Variants in SEC14L5 observed in about 807,000 individuals in gnomAD.
SEC14L5 encodes SEC14 like lipid binding 5.
In SEC14L5, 96 loss-of-function variants were observed where a neutral mutation model predicts 84.6. The ratio of observed to expected loss-of-function variants is 1.13; its 90% confidence interval spans 0.96 to 1.34. SEC14L5 has a LOEUF of 1.34. Ranked by LOEUF, SEC14L5 falls within the 40% of genes most tolerant of loss-of-function variation. The probability of loss-of-function intolerance (pLI) is 0.00; values close to 1 mark genes in which losing one functional copy is unlikely to be tolerated. For missense variants in SEC14L5, 1,224 were observed against 942.5 expected, an observed-to-expected ratio of 1.30 and a Z score of -3.91; for synonymous variants, 546 against 383.4, an observed-to-expected ratio of 1.42 and a Z score of -4.95.
chr16:4,970,341 G>A (rs1955259884), intron 2 of SEC14L5, among the ~76,000 whole-genome samples: 1 of 152,102 alleles, frequency 6.6e-6, no homozygotes, highest in South Asian at 2.1e-4. Flanking sequence ...GTTAAGCAGG[G>A]TTTAGCCTAT....
intron 2 of SEC14L5, among the ~76,000 whole-genome samples, chr16:4,971,658 G>T (rs7202838): frequency 6.6e-6 from 1 of 151,978 alleles, no homozygotes; most frequent in African/African-American, 2.4e-5. Flanking sequence ...GCTTTGGGCT[G>T]CGCACCTGCT....
In SEC14L5 at chr16:5,000,919, C is replaced by T. The variant is rs1955669714; in HGVS notation, c.1124C>T (p.Pro375Leu). 1.2e-6 allele frequency: 2 copies of T among 1,605,576 alleles called. No individual in the cohort carries two copies. ...CEGSTRQLGR[P>L]ISSWTCLLDL... ...GGGAGCACAAGGCAGCTGGGCCGTC[C>T]CATCAGGCAAACACCTGGGCTGGGC... Residue 375 changes from proline (P) to leucine (L), a missense_variant, in exon 10 of 16, where the codon CCC becomes CTC. Coordinates refer to ENST00000251170, the MANE Select transcript of SEC14L5 (RefSeq NM_014692.2).
In SEC14L5 at chr16:4,988,280, G is replaced by C. The variant is rs772330862; in HGVS notation, c.345G>C (p.Thr115=). The C allele has an allele frequency of 6.2e-7, 1 of 1,613,524 alleles. No individual in the cohort carries two copies. Among genetic ancestry groups the C allele is most frequent in the Non-Finnish European group, 8.5e-7 (1 of 1,179,720 alleles). The change falls in exon 4 of 16, where the codon ACG becomes ACC. Residue 115 remains threonine (T), a splice_region_variant and synonymous_variant. Coordinates refer to ENST00000251170, the MANE Select transcript of SEC14L5 (RefSeq NM_014692.2). ...RVVVNEHCSY[T]VHPENEDWTC... Reference sequence around the variant, plus strand: ...TGGTGAACGAGCACTGCAGCTACACGGTGAGCCCAGGCCACCCTCAGCGCC... The same window carrying C: ...TGGTGAACGAGCACTGCAGCTACACCGTGAGCCCAGGCCACCCTCAGCGCC...
rs1955515936 is a variant in SEC14L5 at position 4,988,222 on chromosome 16, A to C, written c.287A>C (p.Glu96Ala). 1.9e-6 allele frequency: 3 copies of C among 1,613,556 alleles called. No individual in the cohort carries two copies. The South Asian group carries it at 3.3e-5, about 18-fold the overall frequency. ...TGGAAGGAGAGGACGCTCCTCATCG[A>C]AGCGCACAATGAGACCTTCGCCAAC... ...LNWKERTLLI[E>A]AHNETFANRV... The change falls in exon 4 of 16, where the codon GAA becomes GCA. Residue 96 changes from glutamate to alanine, a missense_variant. Physicochemically the swap from Glu to Ala is moderately radical, Grantham distance 107. Transcript: ENST00000251170.
intron 4 of SEC14L5, among the ~76,000 whole-genome samples, 169 bp downstream of exon 4, chr16:4,988,449 C>G (rs1955519600): frequency 6.6e-6 from 1 of 152,228 alleles, no homozygotes; most frequent in Admixed American, 6.5e-5. Flanking sequence ...TTCCGATGAA[C>G]AACCCATAAT....
At position 4,960,978 on chromosome 16, in the gene SEC14L5, T is replaced by C. The variant is rs141178991; in HGVS notation, c.63+1592T>C. ...GCTCTGGTTGTATGTTTTTAGAAAGTTGCTGAACTTAAGCCGGGTGCAGTG... is the reference window on the plus strand; with the variant it reads ...GCTCTGGTTGTATGTTTTTAGAAAGCTGCTGAACTTAAGCCGGGTGCAGTG... On this transcript the variant is annotated intron_variant, in intron 2 of 15. Coordinates refer to ENST00000251170, the MANE Select transcript of SEC14L5 (RefSeq NM_014692.2). 2.0e-5 allele frequency among the ~76,000 whole-genome samples: 3 copies of C among 152,254 alleles called. No individual in the cohort carries two copies. In the East Asian group the frequency reaches 5.8e-4, roughly 29 times the overall value.
chr16:4,988,398 GC>G, intron 4 of SEC14L5, 118 bp downstream of exon 4: 1 of 1,294,004 alleles, frequency 7.7e-7, no homozygotes, highest in Non-Finnish European at 1.1e-6. Context: ...CCCTCCTGGG[GC>G]ATTGTCAAGA....
intron 12 of SEC14L5, among the ~76,000 whole-genome samples, chr16:5,006,436 G>C (rs1955732971): frequency 6.6e-6 from 1 of 152,156 alleles, no homozygotes; most frequent in African/African-American, 2.4e-5. Context: ...TGCAGCTCTG[G>C]ACCCTGGAGC....
chr16:4,981,286 A>G (rs1280073125), intron 2 of SEC14L5, among the ~76,000 whole-genome samples: 926 of 62,192 alleles, frequency 0.015, 16 homozygotes, highest in African/African-American at 0.051. Flanking sequence ...TTTTTTTTGT[A>G]TTTTTAGAAG....
intron 8 of SEC14L5, 80 bp downstream of exon 8, chr16:4,997,124 G>T (rs1161560127): frequency 6.8e-6 from 7 of 1,033,202 alleles, no homozygotes; most frequent in Non-Finnish European, 8.1e-6. Flanking sequence ...TTTGAGATGG[G>T]GTCTCACTCT....
rs1446329089 is a variant in SEC14L5, at chr16:5,016,733, A to C, written c.*1763A>C. ...TCAGCAATGCAGGGCCAGGAAACTT[A>C]TATCTACGCCAGCCTCAACCCCAAA... On this transcript the variant is annotated 3_prime_UTR_variant, in exon 16 of 16. Coordinates refer to ENST00000251170, the MANE Select transcript of SEC14L5 (RefSeq NM_014692.2). 6.6e-6 allele frequency: 1 copy of C among 152,142 alleles called. No homozygotes were observed. The highest frequency in any genetic ancestry group is 1.9e-4 in the East Asian group (1 of 5,184). The allele number at this position is 152,142 out of a possible 1,614,324, so 9.4% of individuals were successfully genotyped here. A position where few individuals can be genotyped will look rare whatever the true frequency, so the allele number is the denominator to read the frequency against.
intron 2 of SEC14L5, among the ~76,000 whole-genome samples, chr16:4,975,068 G>C (rs771731000): frequency 2.0e-5 from 3 of 151,986 alleles, no homozygotes; most frequent in Non-Finnish European, 1.5e-5. Flanking sequence ...GTGAGCTACC[G>C]CGCCCAGCTT....
intron 14 of SEC14L5, among the ~76,000 whole-genome samples, chr16:5,010,717 C>G (rs1432504889): frequency 1.3e-5 from 2 of 152,294 alleles, no homozygotes; most frequent in East Asian, 1.9e-4. Context: ...TCCACAAATT[C>G]TCTCTAAGCA....
intron 8 of SEC14L5, among the ~76,000 whole-genome samples, chr16:4,999,881 C>T (rs897877519): frequency 6.6e-6 from 1 of 152,110 alleles, no homozygotes. Context: ...CTCCACTGAA[C>T]TCCAGCCTGG....
At chr16:4,969,028 G>T (rs918813959) in intron 2 of SEC14L5, among the ~76,000 whole-genome samples, 2 of 152,248 alleles carry the variant, frequency 1.3e-5, no homozygotes, top group East Asian at 3.8e-4. Context: ...TTAACAAAGC[G>T]GCCGGGGCCT....
chr16:4,989,841 C>T (rs983866744), intron 4 of SEC14L5, among the ~76,000 whole-genome samples: 3 of 152,032 alleles, frequency 2.0e-5, no homozygotes, highest in African/African-American at 7.2e-5. Context: ...ATGCAGATTC[C>T]TGGGCCCCAA....
chr16:4,986,924 T>G (rs562447411), intron 2 of SEC14L5, among the ~76,000 whole-genome samples: 14 of 152,342 alleles, frequency 9.2e-5, no homozygotes, highest in African/African-American at 3.4e-4. Flanking sequence ...TCTTTTTGTG[T>G]GTACGTGTGT....
intron 7 of SEC14L5, 142 bp from the exon 8 acceptor site, chr16:4,996,713 A>T (rs1417788623): frequency 1.5e-5 from 10 of 678,360 alleles, no homozygotes; most frequent in Middle Eastern, 7.5e-4. Flanking sequence ...CTGGGGTTAC[A>T]GGCGCACACC....
intron 14 of SEC14L5, among the ~76,000 whole-genome samples, chr16:5,009,142 G>A (rs1337527435): frequency 1.3e-5 from 2 of 152,234 alleles, no homozygotes; most frequent in Middle Eastern, 3.4e-3. Context: ...CTAGCCTTAG[G>A]TAACTCCTGG....
Sources: allele counts gnomAD v4.1 joint callset (sites outside exome capture counted in the v4.1 genomes callset), GRCh38; gene constraint gnomAD v4.1.1; transcripts MANE v1.5; gene names NCBI Gene and HGNC (gene_info 2026-07-23, HGNC 2026-07-21).